The following RASGRF2 variants were observed in gnomAD, a reference collection of about 807,000 sequenced individuals.
RASGRF2 encodes ras-specific guanine nucleotide-releasing factor 2.
RASGRF2 carries 76 observed loss-of-function variants against 151.0 expected under a neutral mutation model. The ratio of observed to expected loss-of-function variants is 0.50; its 90% CI spans 0.42 to 0.61. The LOEUF (loss-of-function observed/expected upper bound fraction) is 0.61, where lower values mean the gene tolerates loss of function less well. RASGRF2 is among the 20% of genes least tolerant of loss of function. RASGRF2 has a pLI of 0.00. For missense variants in RASGRF2, 1,148 were observed against 1,564.6 expected (o/e 0.73, Z 4.49); for synonymous variants, 504 against 566.5 (o/e 0.89, Z 1.57).
chr5:81,189,937 C>G (rs2112692515), intron 18 of RASGRF2, among the ~76,000 whole-genome samples: 1 of 152,210 alleles, frequency 6.6e-6, no homozygotes, highest in South Asian at 2.1e-4. Context: ...TGGTCTCGAA[C>G]TCCTGACCTT....
At chr5:81,118,587 A>G (rs1320167777) in intron 15 of RASGRF2, among the ~76,000 whole-genome samples, 2 of 152,096 alleles carry the variant, frequency 1.3e-5, no homozygotes, top group African/African-American at 2.4e-5. Flanking sequence ...CTTTAGTACT[A>G]ATCTTTTTAG....
intron 17 of RASGRF2, among the ~76,000 whole-genome samples, chr5:81,143,774 T>C (rs540056197): frequency 2.0e-5 from 3 of 151,520 alleles, no homozygotes; most frequent in Non-Finnish European, 4.4e-5. Flanking sequence ...CCTGTAATCC[T>C]AGCTACTCAG....
chr5:81,094,553 GAGA>G (rs1752489763), intron 11 of RASGRF2, among the ~76,000 whole-genome samples, 191 bp downstream of exon 11: 1 of 152,148 alleles, frequency 6.6e-6, no homozygotes, highest in Admixed American at 6.5e-5. Context: ...GTGGCAGATA[GAGA>G]AGAAGGAAGA....
intron 1 of RASGRF2, among the ~76,000 whole-genome samples, chr5:81,030,092 A>C (rs1750184047): frequency 1.3e-5 from 2 of 149,302 alleles, no homozygotes; most frequent in Non-Finnish European, 3.0e-5. Context: ...GTGAGAAGAG[A>C]AGTTTAGAGA....
At chr5:81,008,948 G>A (rs1580198619) in intron 1 of RASGRF2, among the ~76,000 whole-genome samples, 1 of 152,178 alleles carries the variant, frequency 6.6e-6, no homozygotes, top group East Asian at 1.9e-4. Context: ...TCAGCAAGTA[G>A]AACTTCAAGT....
At chr5:81,052,311 G>T (rs34110) in intron 2 of RASGRF2, among the ~76,000 whole-genome samples, 17,093 of 152,080 alleles carry the variant, frequency 0.11, 1,242 homozygotes, top group Non-Finnish European at 0.16. Context: ...ATGTTCTGTT[G>T]TATTTCCTAG....
At chr5:80,993,931 G>A (rs2112268648) in intron 1 of RASGRF2, among the ~76,000 whole-genome samples, 1 of 152,184 alleles carries the variant, frequency 6.6e-6, no homozygotes, top group African/African-American at 2.4e-5. Context: ...GAAGAAGGTT[G>A]GAGAGGGTGG....
chr5:81,077,473 G>A (rs887444867), intron 5 of RASGRF2, among the ~76,000 whole-genome samples: 2 of 152,216 alleles, frequency 1.3e-5, no homozygotes, highest in South Asian at 2.1e-4. Context: ...AGCCACTGGC[G>A]TGTCTGTAGA....
intron 17 of RASGRF2, among the ~76,000 whole-genome samples, chr5:81,138,958 T>A (rs1199515057): frequency 6.6e-6 from 1 of 152,202 alleles, no homozygotes; most frequent in Non-Finnish European, 1.5e-5. Flanking sequence ...TTTATTGTGA[T>A]CTATTAATTT....
At chr5:81,169,546 G>C (rs1426882849) in intron 17 of RASGRF2, among the ~76,000 whole-genome samples, 1 of 152,128 alleles carries the variant, frequency 6.6e-6, no homozygotes, top group Non-Finnish European at 1.5e-5. Context: ...CTCTAGGTGT[G>C]TCTGTGTCCA....
intron 2 of RASGRF2, among the ~76,000 whole-genome samples, chr5:81,053,201 GTGCCA>G (rs2112417752): frequency 1.3e-5 from 2 of 151,606 alleles, no homozygotes; most frequent in East Asian, 3.9e-4. Context: ...ATGTATACAT[GTGCCA>G]TGTTGGTGTG....
At chr5:81,168,600 T>C (rs1292344110) in intron 17 of RASGRF2, among the ~76,000 whole-genome samples, 1 of 152,186 alleles carries the variant, frequency 6.6e-6, no homozygotes, top group African/African-American at 2.4e-5. Context: ...TGTGAGCCAC[T>C]GCCCCCAGCA....
chr5:81,087,454 C>T (rs367910000), intron 9 of RASGRF2: 97 of 638,758 alleles, frequency 1.5e-4, no homozygotes, highest in East Asian at 6.8e-4. Context: ...ACTCCCGTTG[C>T]CAGATGAAAT....
chr5:81,185,504 T>C (rs1755007414), intron 18 of RASGRF2, among the ~76,000 whole-genome samples: 1 of 152,046 alleles, frequency 6.6e-6, no homozygotes, highest in African/African-American at 2.4e-5. Flanking sequence ...TGAAAATGAC[T>C]CACAGGAGGA....
At chr5:81,102,129 G>C (rs545329296) in intron 12 of RASGRF2, among the ~76,000 whole-genome samples, 8 of 152,292 alleles carry the variant, frequency 5.3e-5, no homozygotes, top group Non-Finnish European at 2.9e-5. Flanking sequence ...GGAATTTAAA[G>C]CCATAGCAGA....
At chr5:81,013,667 A>T (rs1191251677) in intron 1 of RASGRF2, among the ~76,000 whole-genome samples, 1 of 151,830 alleles carries the variant, frequency 6.6e-6, no homozygotes, top group Admixed American at 6.6e-5. Context: ...TTCTAAATAT[A>T]TGTATGTTGT....
intron 25 of RASGRF2, among the ~76,000 whole-genome samples, chr5:81,218,482 T>A (rs1005809113): frequency 5.3e-5 from 8 of 152,212 alleles, no homozygotes; most frequent in African/African-American, 1.9e-4. Flanking sequence ...CGTTTTTGTT[T>A]CTTTTGTTGA....
intron 26 of RASGRF2, 146 bp downstream of exon 26, chr5:81,219,924 TAAA>T (rs34019036): frequency 2.2e-3 from 805 of 365,016 alleles, no homozygotes; most frequent in Middle Eastern, 4.3e-3. Flanking sequence ...CTAGTCTGAT[TAAA>T]AAAAAAAAAA....
At chr5:81,159,720 C>T (rs898389594) in intron 17 of RASGRF2, among the ~76,000 whole-genome samples, 2 of 152,124 alleles carry the variant, frequency 1.3e-5, no homozygotes, top group Admixed American at 6.6e-5. Flanking sequence ...AATTACACCT[C>T]AATAAACCTG....
Sources: gnomAD v4.1 joint callset for allele counts (sites outside exome capture counted in the v4.1 genomes callset) on GRCh38, gnomAD v4.1.1 for gene constraint, MANE v1.5 for transcripts, NCBI Gene and HGNC (gene_info 2026-07-23, HGNC 2026-07-21) for gene names.